The following MARK3 variants were observed in gnomAD, a reference collection of about 807,000 sequenced individuals.
MARK3 encodes MAP/microtubule affinity-regulating kinase 3.
A neutral mutation model predicts 90.1 loss-of-function variants in MARK3; 46 were observed. That is an observed-to-expected ratio of 0.51 (90% CI 0.40 to 0.65). The LOEUF (loss-of-function observed/expected upper bound fraction) is 0.65, where lower values mean the gene tolerates loss of function less well. MARK3 is among the 30% of genes least tolerant of loss of function. The pLI, the probability that MARK3 is intolerant of heterozygous loss-of-function variation, is 0.00. For missense variants in MARK3, 818 were observed against 947.2 expected, an observed-to-expected ratio of 0.86 and a Z score of 1.79; for synonymous variants, 321 against 332.6, an observed-to-expected ratio of 0.97 and a Z score of 0.38.
At chr14:103,425,374 C>A (rs984860498) in intron 2 of MARK3, among the ~76,000 whole-genome samples, 2 of 152,094 alleles carry the variant, frequency 1.3e-5, no homozygotes, top group South Asian at 4.1e-4. Context: ...GTTCTCCCGC[C>A]TCAGCCTTTC....
intron 1 of MARK3, among the ~76,000 whole-genome samples, chr14:103,404,236 C>T (rs1312961169): frequency 6.6e-6 from 1 of 152,094 alleles, no homozygotes; most frequent in Non-Finnish European, 1.5e-5. Flanking sequence ...GGACATTTTC[C>T]TGGACAGAAA....
chr14:103,412,725 C>T (rs1397039064), intron 2 of MARK3: 5 of 576,126 alleles, frequency 8.7e-6, no homozygotes, highest in Admixed American at 2.2e-5. Context: ...TCCTGCACCG[C>T]CTCATCCAGG....
chr14:103,466,730 C>T (rs904599812), intron 10 of MARK3, among the ~76,000 whole-genome samples: 3 of 152,062 alleles, frequency 2.0e-5, no homozygotes, highest in Middle Eastern at 3.2e-3. Flanking sequence ...TCTGGCCGGG[C>T]GTGGTGGCTC....
intron 15 of MARK3, among the ~76,000 whole-genome samples, chr14:103,496,676 G>C (rs1467257912): frequency 6.6e-6 from 1 of 151,942 alleles, no homozygotes; most frequent in African/African-American, 2.4e-5. Context: ...GCCTCCCAAA[G>C]TGCTGGGATT....
At chr14:103,392,006 G>A (rs1003200221) in intron 1 of MARK3, among the ~76,000 whole-genome samples, 4 of 152,116 alleles carry the variant, frequency 2.6e-5, no homozygotes, top group African/African-American at 9.7e-5. Flanking sequence ...CACTTCGTAA[G>A]CCTGGTAATG....
At chr14:103,422,519 A>G (rs1473803904) in intron 2 of MARK3, among the ~76,000 whole-genome samples, 4 of 152,202 alleles carry the variant, frequency 2.6e-5, no homozygotes, top group Non-Finnish European at 4.4e-5. Context: ...GTACAGCTTG[A>G]TGAATTATCA....
chr14:103,473,006 C>T (rs771124787), intron 12 of MARK3, among the ~76,000 whole-genome samples: 4 of 123,064 alleles, frequency 3.3e-5, no homozygotes, highest in Non-Finnish European at 7.3e-5. Context: ...GACTCCGTCT[C>T]GAAAAAAAAA....
intron 1 of MARK3, among the ~76,000 whole-genome samples, chr14:103,393,503 A>C (rs1391629926): frequency 1.3e-5 from 2 of 152,204 alleles, no homozygotes; most frequent in Non-Finnish European, 2.9e-5. Flanking sequence ...GAAAATATTT[A>C]GTCAGTTTTC....
chr14:103,448,535 A>G lies in MARK3; in HGVS notation c.298-384A>G, dbSNP rs553710262. 6.6e-5 allele frequency among the ~76,000 whole-genome samples: 10 copies of G among 152,294 alleles called. No individual in the cohort carries two copies. The East Asian group carries it at 1.9e-3, about 29-fold the overall frequency. On this transcript the variant is annotated intron_variant, in intron 3 of 17. Transcript: ENST00000429436. ...GCTTATGATGTATTTCACTGGAACCATACAGGTTTTGATTCGCAGAGTTGG... is the reference window on the plus strand; with the variant it reads ...GCTTATGATGTATTTCACTGGAACCGTACAGGTTTTGATTCGCAGAGTTGG...
intron 2 of MARK3, among the ~76,000 whole-genome samples, chr14:103,414,758 G>A (rs2091863296): frequency 1.3e-5 from 2 of 152,108 alleles, no homozygotes; most frequent in African/African-American, 2.4e-5. Flanking sequence ...GAATTATATC[G>A]TGAAAAGAAT....
intron 5 of MARK3, among the ~76,000 whole-genome samples, chr14:103,454,468 T>C (rs369007592): frequency 1.5e-4 from 23 of 152,316 alleles, no homozygotes; most frequent in Non-Finnish European, 2.8e-4. Context: ...CAGGCTGGTC[T>C]TGAACTCCTG....
At chr14:103,496,177 T>G (rs1353155324) in intron 15 of MARK3, among the ~76,000 whole-genome samples, 2 of 152,182 alleles carry the variant, frequency 1.3e-5, no homozygotes, top group Admixed American at 6.5e-5. Context: ...TGTGAAGGCC[T>G]CCTCCTGCAG....
In MARK3 at chr14:103,385,791, G is replaced by A; in HGVS notation, c.-239G>A. On this transcript the variant is annotated 5_prime_UTR_variant, in exon 1 of 18. Coordinates refer to ENST00000429436, the MANE Select transcript of MARK3 (RefSeq NM_001128918.3). ...CGCCCGCAGGCTCGGCTCCGCCACTGCCGCCCTCCCGGTCTCCTCGCCTCG... is the reference window on the plus strand; with the variant it reads ...CGCCCGCAGGCTCGGCTCCGCCACTACCGCCCTCCCGGTCTCCTCGCCTCG... The A allele has an allele frequency of 2.4e-6, 1 of 408,336 alleles. No individual in the cohort carries two copies. Among genetic ancestry groups the A allele is most frequent in the South Asian group, 6.5e-5 (1 of 15,284 alleles). The allele number at this position is 408,336 out of a possible 1,614,324, so 25.3% of individuals were successfully genotyped here.
At chr14:103,501,474 C>A (rs1007747014) in intron 17 of MARK3, among the ~76,000 whole-genome samples, 1 of 152,228 alleles carries the variant, frequency 6.6e-6, no homozygotes, top group African/African-American at 2.4e-5. Flanking sequence ...AGTCTGTGTA[C>A]TTTATTATGC....
intron 5 of MARK3, among the ~76,000 whole-genome samples, chr14:103,454,507 C>T (rs527266225): frequency 6.6e-6 from 1 of 152,296 alleles, no homozygotes; most frequent in South Asian, 2.1e-4. Flanking sequence ...GCCTTGGCCT[C>T]CCAAATTGCT....
intron 2 of MARK3, chr14:103,412,259 A>G (rs2091686282): frequency 1.4e-6 from 1 of 708,942 alleles, no homozygotes; most frequent in African/African-American, 1.8e-5. Flanking sequence ...TGTCATCTTC[A>G]CGTGGCCAAC....
chr14:103,431,133 G>C (rs894165786), intron 3 of MARK3, among the ~76,000 whole-genome samples: 1 of 152,122 alleles, frequency 6.6e-6, no homozygotes, highest in African/African-American at 2.4e-5. Context: ...TGTTGCCCAG[G>C]CTGGAGTGCA....
chr14:103,480,656 A>G (rs911682020), intron 14 of MARK3, among the ~76,000 whole-genome samples, 166 bp downstream of exon 14: 2 of 152,228 alleles, frequency 1.3e-5, no homozygotes, highest in East Asian at 1.9e-4. Context: ...CTAGAATTCT[A>G]AATTCTTTTT....
intron 3 of MARK3, among the ~76,000 whole-genome samples, chr14:103,446,141 G>C (rs1211295853): frequency 1.3e-5 from 2 of 152,170 alleles, no homozygotes; most frequent in Non-Finnish European, 2.9e-5. Context: ...GATGGGCTAT[G>C]ATGTAAAACA....
Sources: allele counts gnomAD v4.1 joint callset (sites outside exome capture counted in the v4.1 genomes callset), GRCh38; gene constraint gnomAD v4.1.1; transcripts MANE v1.5; gene names NCBI Gene and HGNC (gene_info 2026-07-23, HGNC 2026-07-21).